The following DPP10 variants were observed in gnomAD, a reference collection of about 807,000 sequenced individuals.
DPP10 encodes inactive dipeptidyl peptidase 10.
In DPP10, 33 loss-of-function variants were observed where a neutral mutation model predicts 120.9. The ratio of observed to expected loss-of-function variants is 0.27; its 90% CI spans 0.21 to 0.37. DPP10 has a LOEUF of 0.37. Among genes scored for constraint, DPP10 ranks in the 10% least tolerant of loss-of-function variants. The probability of loss-of-function intolerance (pLI) is 1.00; values close to 1 mark genes in which losing one functional copy is unlikely to be tolerated. For synonymous variants in DPP10, 337 were observed against 326.1 expected, an observed-to-expected ratio of 1.03 and a Z score of -0.36; for missense variants, 816 against 942.8, an observed-to-expected ratio of 0.87 and a Z score of 1.76.
At chr2:115,594,801 G>A (rs565702268) in intron 5 of DPP10, among the ~76,000 whole-genome samples, 121 of 152,130 alleles carry the variant, frequency 8.0e-4, no homozygotes, top group African/African-American at 2.8e-3. Flanking sequence ...AATTGACAAG[G>A]AAATTTGGTT....
chr2:115,525,497 A>G (rs1331120328), intron 4 of DPP10, among the ~76,000 whole-genome samples: 4 of 152,146 alleles, frequency 2.6e-5, no homozygotes, highest in Non-Finnish European at 4.4e-5. Flanking sequence ...TAAGAATACA[A>G]AAACACAGAG....
At chr2:115,608,956 T>G (rs181239493) in intron 5 of DPP10, among the ~76,000 whole-genome samples, 1 of 151,620 alleles carries the variant, frequency 6.6e-6, no homozygotes. Context: ...AAAAGATCAA[T>G]TCATAAAGAT....
intron 3 of DPP10, among the ~76,000 whole-genome samples, chr2:115,380,865 A>T (rs1030899594): frequency 6.6e-6 from 1 of 152,182 alleles, no homozygotes; most frequent in African/African-American, 2.4e-5. Flanking sequence ...TTCTTTAGGA[A>T]TGTTGAATAT....
chr2:114,812,037 CCTGAAGTCAGAT>C lies in DPP10; in HGVS notation c.60+369203_60+369214del, dbSNP rs1472949252. Among the ~76,000 whole-genome samples, 18 of 152,112 alleles carry C rather than the reference CCTGAAGTCAGAT, an allele frequency of 1.2e-4. 1 individual carries two copies. Among genetic ancestry groups the C allele is most frequent in the Non-Finnish European group, 5.9e-5 (4 of 68,018 alleles). On this transcript the variant is annotated intron_variant, in intron 1 of 25. Coordinates refer to ENST00000410059, the MANE Select transcript of DPP10 (RefSeq NM_020868.6). ...CATTTTCCTCTATGCGAGTTTCCAA[CCTGAAGTCAGAT>C]CTGTTTAAAATAAAATGAAAGCCTC... is the stretch of plus-strand genomic sequence containing the variant.
chr2:115,841,028 C>G (rs910268373), intron 25 of DPP10, among the ~76,000 whole-genome samples: 5 of 151,660 alleles, frequency 3.3e-5, no homozygotes, highest in African/African-American at 1.2e-4. Context: ...TGAATCCTTT[C>G]TAAATTGTCA....
chr2:114,475,170 A>AT (rs1046215977), intron 1 of DPP10, among the ~76,000 whole-genome samples: 1 of 152,092 alleles, frequency 6.6e-6, no homozygotes, highest in African/African-American at 2.4e-5. Flanking sequence ...CAAGCATGTT[A>AT]TTTTTCTGTT....
intron 1 of DPP10, among the ~76,000 whole-genome samples, chr2:114,698,861 T>C (rs1355504118): frequency 6.6e-6 from 1 of 152,178 alleles, no homozygotes; most frequent in Non-Finnish European, 1.5e-5. Flanking sequence ...TTATGAATAC[T>C]GTCTGTATAG....
chr2:115,079,359 C>T (rs1708068862), intron 1 of DPP10, among the ~76,000 whole-genome samples: 2 of 103,876 alleles, frequency 1.9e-5, no homozygotes, highest in African/African-American at 7.3e-5. Context: ...GAGCCAGACT[C>T]CGTCTCAAAA....
At chr2:114,963,120 A>T (rs1319041642) in intron 1 of DPP10, among the ~76,000 whole-genome samples, 1 of 152,228 alleles carries the variant, frequency 6.6e-6, no homozygotes, top group African/African-American at 2.4e-5. Context: ...CTTTGCATAT[A>T]CTTATACACG....
intron 3 of DPP10, among the ~76,000 whole-genome samples, chr2:115,448,526 A>G (rs2072825545): frequency 6.6e-6 from 1 of 152,302 alleles, no homozygotes; most frequent in Non-Finnish European, 1.5e-5. Flanking sequence ...AATCCTGATC[A>G]TAAGGAAAAT....
chr2:114,789,309 A>G (rs1683046813), intron 1 of DPP10, among the ~76,000 whole-genome samples: 1 of 152,218 alleles, frequency 6.6e-6, no homozygotes, highest in Non-Finnish European at 1.5e-5. Context: ...TAAATAGGGA[A>G]GAAAGATAAA....
At chr2:115,008,180 C>G (rs1338925732) in intron 1 of DPP10, among the ~76,000 whole-genome samples, 1 of 130,478 alleles carries the variant, frequency 7.7e-6, no homozygotes, top group Non-Finnish European at 1.6e-5. Context: ...TCAAACTATA[C>G]TACAAGGCTA....
At chr2:115,441,344 C>A (rs1329188721) in intron 3 of DPP10, among the ~76,000 whole-genome samples, 1 of 152,042 alleles carries the variant, frequency 6.6e-6, no homozygotes, top group Non-Finnish European at 1.5e-5. Context: ...ATGTCTCTGA[C>A]CTAGATTTAG....
intron 1 of DPP10, among the ~76,000 whole-genome samples, chr2:114,513,574 C>T (rs1323579628): frequency 7.1e-6 from 1 of 141,058 alleles, no homozygotes; most frequent in African/African-American, 2.6e-5. Flanking sequence ...CCAAATATAT[C>T]TGAATATCTG....
intron 1 of DPP10, among the ~76,000 whole-genome samples, chr2:115,261,426 A>G (rs1156524117): frequency 2.0e-5 from 3 of 152,186 alleles, no homozygotes; most frequent in Non-Finnish European, 4.4e-5. Context: ...CTGGAAACTT[A>G]AAAAAATTGG....
At chr2:114,809,470 T>C (rs1252115561) in intron 1 of DPP10, among the ~76,000 whole-genome samples, 1 of 152,234 alleles carries the variant, frequency 6.6e-6, no homozygotes, top group East Asian at 1.9e-4. Flanking sequence ...ATAAAAGTAG[T>C]CGATGCTGGA....
At chr2:115,256,002 T>C (rs565804815) in intron 1 of DPP10, among the ~76,000 whole-genome samples, 1 of 152,324 alleles carries the variant, frequency 6.6e-6, no homozygotes, top group South Asian at 2.1e-4. Flanking sequence ...TCGGGTCTCT[T>C]TACGGCAGCA....
chr2:114,591,778 C>T (rs374435206), intron 1 of DPP10, among the ~76,000 whole-genome samples: 1 of 151,952 alleles, frequency 6.6e-6, no homozygotes, highest in East Asian at 1.9e-4. Flanking sequence ...TGGTCTCGAA[C>T]TCCTGACCTC....
chr2:114,640,406 A>C (rs1001293244), intron 1 of DPP10, among the ~76,000 whole-genome samples: 1 of 151,910 alleles, frequency 6.6e-6, no homozygotes, highest in Non-Finnish European at 1.5e-5. Flanking sequence ...AACTCATATA[A>C]TTTTTTTAAC....
Sources: allele counts gnomAD v4.1 joint callset (sites outside exome capture counted in the v4.1 genomes callset), GRCh38; gene constraint gnomAD v4.1.1; transcripts MANE v1.5; gene names NCBI Gene and HGNC (gene_info 2026-07-23, HGNC 2026-07-21).